Variants in FAM110B observed in about 807,000 individuals in gnomAD.
FAM110B encodes the protein protein FAM110B.
FAM110B carries 6 observed loss-of-function variants against 20.4 expected under a neutral mutation model. That is an observed-to-expected ratio of 0.29 (90% CI 0.16 to 0.58). The LOEUF (loss-of-function observed/expected upper bound fraction) is 0.58. Among genes scored for constraint, FAM110B ranks in the 20% least tolerant of loss-of-function variants. The pLI, the probability that FAM110B is intolerant of heterozygous loss-of-function variation, is 0.90. For synonymous variants in FAM110B, 226 were observed against 214.1 expected (o/e 1.06, Z -0.49); for missense variants, 434 against 498.2 (o/e 0.87, Z 1.23).
chr8:58,095,018 T>G (rs953877957), intron 3 of FAM110B, among the ~76,000 whole-genome samples: 1 of 152,214 alleles, frequency 6.6e-6, no homozygotes, highest in African/African-American at 2.4e-5. Context: ...TTCTTTTAGA[T>G]TTTCTTGTTT....
intron 3 of FAM110B, among the ~76,000 whole-genome samples, chr8:58,086,823 G>A (rs1806349827): frequency 6.6e-6 from 1 of 152,236 alleles, no homozygotes; most frequent in South Asian, 2.1e-4. Context: ...ATGTTAATGG[G>A]CTAATAGCTC....
chr8:58,131,746 T>C (rs1158081344), intron 3 of FAM110B, among the ~76,000 whole-genome samples: 1 of 152,258 alleles, frequency 6.6e-6, no homozygotes, highest in African/African-American at 2.4e-5. Flanking sequence ...GTTTATTTTG[T>C]TCACTGCCTG....
At chr8:58,085,176 G>A (rs1806302082) in intron 3 of FAM110B, among the ~76,000 whole-genome samples, 1 of 152,206 alleles carries the variant, frequency 6.6e-6, no homozygotes, top group Non-Finnish European at 1.5e-5. Context: ...TTTTGTGGGG[G>A]TCATGCCCCC....
At chr8:58,139,899 C>T (rs1038031274) in intron 3 of FAM110B, among the ~76,000 whole-genome samples, 1 of 152,084 alleles carries the variant, frequency 6.6e-6, no homozygotes, top group Non-Finnish European at 1.5e-5. Context: ...CACTGCACTC[C>T]AGCCTGGGCA....
intron 2 of FAM110B, among the ~76,000 whole-genome samples, chr8:58,058,482 A>T (rs1013583584): frequency 1.3e-5 from 2 of 152,228 alleles, no homozygotes; most frequent in Non-Finnish European, 2.9e-5. Context: ...AGTTGAAAAC[A>T]TAAAGAAAGA....
intron 1 of FAM110B, among the ~76,000 whole-genome samples, chr8:58,024,365 C>A (rs930037906): frequency 1.3e-5 from 2 of 152,006 alleles, no homozygotes; most frequent in Non-Finnish European, 2.9e-5. Flanking sequence ...ATTGTATAAG[C>A]CTGCCTTTTT....
chr8:58,111,217 T>A (rs1807051350), intron 3 of FAM110B, among the ~76,000 whole-genome samples: 1 of 152,214 alleles, frequency 6.6e-6, no homozygotes, highest in Admixed American at 6.5e-5. Flanking sequence ...CCAGCCCCCA[T>A]GCTCATCTGC....
At chr8:58,013,952 CT>C (rs1445421765) in intron 1 of FAM110B, among the ~76,000 whole-genome samples, 2 of 152,152 alleles carry the variant, frequency 1.3e-5, no homozygotes, top group African/African-American at 4.8e-5. Context: ...TGTCACTGTG[CT>C]GTGAAAGTGA....
chr8:58,146,413 C>T lies in FAM110B; in HGVS notation c.183C>T (p.Tyr61=). Residue 61 remains tyrosine, a synonymous_variant, in exon 4 of 4, where the codon TAC becomes TAT. Coordinates refer to ENST00000519262, the MANE Select transcript of FAM110B (RefSeq NM_001377989.1). ...VERLEADKAK[Y]VKSQEVINAK... is the part of the protein sequence containing the mutation. ...GGCTGGAGGCCGACAAGGCCAAGTA[C>T]GTCAAGAGCCAGGAGGTGATCAACG... 6.2e-7 allele frequency: 1 copy of T among 1,614,006 alleles called. No individual in the cohort carries two copies. Among genetic ancestry groups the T allele is most frequent in the Non-Finnish European group, 8.5e-7 (1 of 1,179,958 alleles).
chr8:58,132,312 C>T (rs186078933), intron 3 of FAM110B, among the ~76,000 whole-genome samples: 72 of 152,292 alleles, frequency 4.7e-4, no homozygotes, highest in African/African-American at 1.7e-3. Context: ...ACTCTTCCAC[C>T]GTAGCAGGAA....
At chr8:57,995,135 A>G (rs2150559652) in intron 1 of FAM110B, among the ~76,000 whole-genome samples, 1 of 152,094 alleles carries the variant, frequency 6.6e-6, no homozygotes, top group South Asian at 2.1e-4. Flanking sequence ...CCGGGGCTGG[A>G]GCCGGGGTTG....
chr8:58,032,403 C>T (rs1804982207), intron 2 of FAM110B: 1 of 152,098 alleles, frequency 6.6e-6, no homozygotes, highest in Admixed American at 6.5e-5. Flanking sequence ...AGATAGGTAG[C>T]ATAGAATGCA....
chr8:58,136,273 G>A (rs1476206646), intron 3 of FAM110B, among the ~76,000 whole-genome samples: 1 of 152,146 alleles, frequency 6.6e-6, no homozygotes, highest in East Asian at 1.9e-4. Context: ...GCCTCCCAAA[G>A]TGCTGGGATT....
chr8:58,117,266 C>T (rs1212759089), intron 3 of FAM110B, among the ~76,000 whole-genome samples: 1 of 152,220 alleles, frequency 6.6e-6, no homozygotes, highest in African/African-American at 2.4e-5. Context: ...TTCTTGATGG[C>T]AGCTGGACAC....
intron 2 of FAM110B, among the ~76,000 whole-genome samples, chr8:58,043,471 T>A (rs1034512113): frequency 7.9e-5 from 12 of 151,430 alleles, no homozygotes; most frequent in African/African-American, 2.9e-4. Flanking sequence ...TAACTTTTTT[T>A]ATATATATTT....
At chr8:58,137,322 G>A (rs933268663) in intron 3 of FAM110B, among the ~76,000 whole-genome samples, 1 of 152,296 alleles carries the variant, frequency 6.6e-6, no homozygotes, top group East Asian at 1.9e-4. Flanking sequence ...CACTTTGGGA[G>A]GCCAAGGCAG....
At position 58,147,049 on chromosome 8, in the gene FAM110B, C is replaced by T. The variant is rs770040257; in HGVS notation, c.819C>T (p.Asp273=). Residue 273 remains aspartate (D), a synonymous_variant, in exon 4 of 4, where the codon GAC becomes GAT. Coordinates refer to ENST00000519262, the MANE Select transcript of FAM110B (RefSeq NM_001377989.1). ...LSDRYFRVDA[D]VERFFNYCGL... is the part of the protein sequence containing the mutation. The stretch of plus-strand genomic sequence containing the variant: ...ACAGATATTTCCGAGTGGACGCGGA[C>T]GTGGAGAGGTTCTTCAACTACTGTG... The T allele has an allele frequency of 1.4e-5, 22 of 1,614,074 alleles. No individual in the cohort carries two copies. Among genetic ancestry groups the T allele is most frequent in the Non-Finnish European group, 1.9e-5 (22 of 1,180,042 alleles).
intron 3 of FAM110B, among the ~76,000 whole-genome samples, chr8:58,105,556 ATTTTTTTTTTTTT>A (rs71557704): frequency 2.1e-5 from 2 of 94,634 alleles, no homozygotes; most frequent in South Asian, 3.8e-4. Flanking sequence ...GAATGAATGA[ATTTTTTTTTTTTT>A]TTTTTTTTTT....
chr8:58,074,289 G>T (rs2150592371), intron 2 of FAM110B, among the ~76,000 whole-genome samples: 1 of 152,130 alleles, frequency 6.6e-6, no homozygotes, highest in South Asian at 2.1e-4. Flanking sequence ...GCCTTCATCA[G>T]CTTGCCTGTC....
Sources: allele counts gnomAD v4.1 joint callset (sites outside exome capture counted in the v4.1 genomes callset), GRCh38; gene constraint gnomAD v4.1.1; transcripts MANE v1.5; gene names NCBI Gene and HGNC (gene_info 2026-07-23, HGNC 2026-07-21).